The following FUCA1 variants were observed in gnomAD, a reference collection of about 807,000 sequenced individuals.
FUCA1 encodes alpha-L-fucosidase 1.
In FUCA1, 52 loss-of-function variants were observed where a neutral mutation model predicts 56.8. That is an observed-to-expected ratio of 0.92 (90% CI 0.73 to 1.15). The LOEUF (loss-of-function observed/expected upper bound fraction) is 1.15. Ranked by LOEUF, FUCA1 falls within the 50% of genes most tolerant of loss-of-function variation. The pLI, the probability that FUCA1 is intolerant of heterozygous loss-of-function variation, is 0.00. For missense variants in FUCA1, 568 were observed against 592.6 expected (o/e 0.96, Z 0.43); for synonymous variants, 230 against 226.6 (o/e 1.02, Z -0.14).
At chr1:23,852,376 C>T (rs866797169) in intron 5 of FUCA1, among the ~76,000 whole-genome samples, 36 of 151,834 alleles carry the variant, frequency 2.4e-4, no homozygotes, top group African/African-American at 7.5e-4. Context: ...GAGGTATGAT[C>T]GTGCCACTGC....
chr1:23,865,897 A>G (rs1270513007), intron 1 of FUCA1, among the ~76,000 whole-genome samples: 1 of 152,228 alleles, frequency 6.6e-6, no homozygotes, highest in Non-Finnish European at 1.5e-5. Flanking sequence ...TGGGTAAGGG[A>G]AAAGAAGTGC....
chr1:23,852,261 A>G (rs1319187629), intron 5 of FUCA1, among the ~76,000 whole-genome samples: 2 of 151,728 alleles, frequency 1.3e-5, no homozygotes, highest in Non-Finnish European at 2.9e-5. Context: ...TCTCTACAAA[A>G]AATTTAAAAA....
At chr1:23,854,228 T>C (rs1303595454) in intron 5 of FUCA1, 132 bp downstream of exon 5, 1 of 781,980 alleles carries the variant, frequency 1.3e-6, no homozygotes, top group Non-Finnish European at 2.1e-6. Flanking sequence ...CTTTTCTTCA[T>C]AATTTTACCT....
intron 4 of FUCA1, among the ~76,000 whole-genome samples, chr1:23,857,901 C>T (rs540459700): frequency 6.6e-6 from 1 of 151,790 alleles, no homozygotes; most frequent in Admixed American, 6.6e-5. Flanking sequence ...AACTCCTGAC[C>T]TCGTGATCCA....
chr1:23,855,095 G>A (rs1465950196), intron 4 of FUCA1, among the ~76,000 whole-genome samples: 18 of 145,586 alleles, frequency 1.2e-4, no homozygotes, highest in African/African-American at 4.6e-4. Flanking sequence ...AAAGTCTTAA[G>A]ACAATCCCAC....
chr1:23,866,362 G>T (rs760042628), intron 1 of FUCA1, among the ~76,000 whole-genome samples: 2 of 152,174 alleles, frequency 1.3e-5, no homozygotes, highest in Non-Finnish European at 2.9e-5. Context: ...AAGCTGTTTG[G>T]TTTACCAAGC....
chr1:23,855,924 A>G (rs1215553465), intron 4 of FUCA1, among the ~76,000 whole-genome samples: 1 of 152,200 alleles, frequency 6.6e-6, no homozygotes, highest in Non-Finnish European at 1.5e-5. Context: ...TCCAAGGTGA[A>G]TAAAACAGAG....
Position 23,863,221 on chromosome 1 carries a change from A to G in FUCA1, c.575T>C (p.Leu192Pro). The G allele has an allele frequency of 1.9e-6, 3 of 1,613,876 alleles. No homozygotes were observed. Among genetic ancestry groups the G allele is most frequent in the Non-Finnish European group, 2.5e-6 (3 of 1,179,930 alleles). Reference protein sequence around the residue: ...YHSLLEWFHPLYLLDKKNGFK... With the variant: ...YHSLLEWFHPPYLLDKKNGFK... Reference sequence around the variant, plus strand: ...GCCATTTTTCTTATCAAGTAGATAGAGTGGATGGAACCACTCTAAGAGTGA... The same window carrying G: ...GCCATTTTTCTTATCAAGTAGATAGGGTGGATGGAACCACTCTAAGAGTGA... Residue 192 changes from leucine (L) to proline (P), a missense_variant, in exon 3 of 8, where the codon CTC (leucine) becomes CCC (proline). Coordinates refer to ENST00000374479, the MANE Select transcript of FUCA1 (RefSeq NM_000147.5).
chr1:23,865,088 C>T (rs1300341229), intron 2 of FUCA1, among the ~76,000 whole-genome samples: 1 of 152,184 alleles, frequency 6.6e-6, no homozygotes, highest in African/African-American at 2.4e-5. Context: ...AGCTTGAAAG[C>T]AGTCACAGAC....
intron 6 of FUCA1, among the ~76,000 whole-genome samples, chr1:23,848,202 G>A (rs754297446): frequency 4.5e-4 from 69 of 152,166 alleles, no homozygotes; most frequent in Non-Finnish European, 9.3e-4. Flanking sequence ...TGAACACTGA[G>A]TTTGTGCCTG....
chr1:23,864,964 A>G (rs888959073), intron 2 of FUCA1, among the ~76,000 whole-genome samples: 1 of 152,038 alleles, frequency 6.6e-6, no homozygotes, highest in Non-Finnish European at 1.5e-5. Context: ...CTGCCTCCCA[A>G]AGTCCTGGGA....
chr1:23,854,977 G>C (rs1358484998), intron 4 of FUCA1, among the ~76,000 whole-genome samples: 1 of 151,994 alleles, frequency 6.6e-6, no homozygotes, highest in Non-Finnish European at 1.5e-5. Context: ...GACCTGCCTG[G>C]GGCCATGCCC....
rs1432744879 is a variant in FUCA1 at position 23,845,584 on chromosome 1, A to C, written c.*131T>G. On this transcript the variant is annotated 3_prime_UTR_variant, in exon 8 of 8. Coordinates refer to ENST00000374479, the MANE Select transcript of FUCA1 (RefSeq NM_000147.5). ...CAGGGTAATGTACTCAGTTCCTTTA[A>C]TTAAAATGTGTTGGAAAAGCCATCT... 9 of 1,079,852 alleles carry C rather than the reference A, an allele frequency of 8.3e-6. No individual in the cohort carries two copies. Among genetic ancestry groups the C allele is most frequent in the Non-Finnish European group, 1.1e-5 (8 of 701,322 alleles). 66.9% of individuals were successfully genotyped at this position (1,079,852 alleles called of 1,614,324 possible).
At chr1:23,865,760 A>G (rs965210023) in intron 1 of FUCA1, 135 bp from the exon 2 acceptor site, 2 of 979,370 alleles carry the variant, frequency 2.0e-6, no homozygotes, top group Non-Finnish European at 3.2e-6. Flanking sequence ...TGACTATATT[A>G]GTGATATCCA....
Position 23,859,836 on chromosome 1 carries a change from T to C in FUCA1, c.730A>G (p.Asn244Asp), listed in dbSNP as rs976622615. Residue 244 changes from asparagine (N) to aspartate (D), a missense_variant, in exon 4 of 8, where the codon AAT becomes GAT. Transcript: ENST00000374479. ...ECPDTYWNST[N>D]FLSWLYNDSP... The stretch of plus-strand genomic sequence containing the variant: ...TCATTGTAGAGCCATGAAAGAAAAT[T>C]TGTGGAGTTCCAGTAAGTATCAGGA... The C allele has an allele frequency of 6.2e-7, 1 of 1,613,322 alleles. No individual in the cohort carries two copies. Among genetic ancestry groups the C allele is most frequent in the Non-Finnish European group, 8.5e-7 (1 of 1,179,314 alleles).
intron 4 of FUCA1, among the ~76,000 whole-genome samples, chr1:23,858,488 T>C (rs995034770): frequency 1.2e-4 from 19 of 152,214 alleles, no homozygotes; most frequent in African/African-American, 4.6e-4. Context: ...TTTGCTACAG[T>C]GAAGATTAGG....
At chr1:23,854,753 G>T (rs1260061013) in intron 4 of FUCA1, among the ~76,000 whole-genome samples, 193 bp from the exon 5 acceptor site, 1 of 152,152 alleles carries the variant, frequency 6.6e-6, no homozygotes, top group Non-Finnish European at 1.5e-5. Context: ...AACGGGGGTG[G>T]TATGCCATCT....
At position 23,854,361 on chromosome 1, in the gene FUCA1, G is replaced by T; in HGVS notation, c.968C>A (p.Ser323Ter). Residue 323 changes from serine (S) to a stop codon, truncating the protein, a stop_gained and splice_region_variant, in exon 5 of 8, where the codon TCG becomes TAG. Coordinates refer to ENST00000374479, the MANE Select transcript of FUCA1 (RefSeq NM_000147.5). LOFTEE classifies it high-confidence loss of function. Reference protein sequence around the residue: ...SDVTEESEIISELVQTVSLGG... With the variant: ...SDVTEESEII The stretch of plus-strand genomic sequence containing the variant: ...CAAAAAACTCAAAGGTGCTCTTACC[G>T]AAATGATTTCAGATTCTTCTGTAAC... 2.5e-6 allele frequency: 4 copies of T among 1,611,778 alleles called. No homozygotes were observed. Among genetic ancestry groups the T allele is most frequent in the Non-Finnish European group, 3.4e-6 (4 of 1,178,926 alleles).
chr1:23,851,013 A>G (rs1360735552), intron 5 of FUCA1, among the ~76,000 whole-genome samples: 2 of 151,946 alleles, frequency 1.3e-5, no homozygotes, highest in Non-Finnish European at 2.9e-5. Flanking sequence ...TCCTGGCCTC[A>G]AAGGATCCTC....
Sources: allele counts gnomAD v4.1 joint callset (sites outside exome capture counted in the v4.1 genomes callset), GRCh38; gene constraint gnomAD v4.1.1; transcripts MANE v1.5; gene names NCBI Gene and HGNC (gene_info 2026-07-23, HGNC 2026-07-21).